ENOX1: variants seen among roughly 807,000 people sequenced by gnomAD.
The protein encoded by ENOX1 is ecto-NOX disulfide-thiol exchanger 1.
A neutral mutation model predicts 82.5 loss-of-function variants in ENOX1; 42 were observed. The observed-to-expected ratio is 0.51, with a 90% confidence interval of 0.40 to 0.66. The LOEUF is 0.66. Among genes scored for constraint, ENOX1 ranks in the 30% least tolerant of loss-of-function variants. The pLI is 0.00. For missense variants in ENOX1, 608 were observed against 811.6 expected (o/e 0.75, Z 3.05); for synonymous variants, 271 against 282.2 (o/e 0.96, Z 0.40).
At chr13:43,610,705 A>C (rs1015455169) in intron 2 of ENOX1, among the ~76,000 whole-genome samples, 2 of 151,172 alleles carry the variant, frequency 1.3e-5, no homozygotes, top group African/African-American at 4.9e-5. Context: ...AATAGATTTC[A>C]AAGTTCTTTT....
chr13:43,773,494 G>A (rs955211825), intron 1 of ENOX1, among the ~76,000 whole-genome samples: 2 of 152,108 alleles, frequency 1.3e-5, no homozygotes, highest in Admixed American at 6.6e-5. Context: ...CCTTGTTCCT[G>A]CCACTGTTCA....
intron 5 of ENOX1, among the ~76,000 whole-genome samples, chr13:43,405,795 C>T (rs978814897): frequency 6.6e-6 from 1 of 152,242 alleles, no homozygotes; most frequent in Non-Finnish European, 1.5e-5. Flanking sequence ...TTTCCACACC[C>T]CCATCAGTCC....
chr13:43,642,940 C>A (rs2083720123), intron 2 of ENOX1, among the ~76,000 whole-genome samples: 2 of 152,138 alleles, frequency 1.3e-5, no homozygotes, highest in Non-Finnish European at 2.9e-5. Context: ...CATGATCATA[C>A]AGTCCAATGT....
intron 1 of ENOX1, among the ~76,000 whole-genome samples, chr13:43,750,242 T>C (rs1303551067): frequency 6.6e-6 from 1 of 152,164 alleles, no homozygotes; most frequent in African/African-American, 2.4e-5. Context: ...TGGGTTTTAG[T>C]GACCAAAGAT....
intron 12 of ENOX1, among the ~76,000 whole-genome samples, chr13:43,279,544 T>C (rs2045255028): frequency 6.6e-6 from 1 of 152,244 alleles, no homozygotes; most frequent in Non-Finnish European, 1.5e-5. Flanking sequence ...GATGATTTTC[T>C]TAACACTGTA....
At chr13:43,254,397 C>T (rs1313224555) in intron 14 of ENOX1, among the ~76,000 whole-genome samples, 1 of 152,136 alleles carries the variant, frequency 6.6e-6, no homozygotes, top group African/African-American at 2.4e-5. Flanking sequence ...TCAGTCTCTT[C>T]TCTATGTGGT....
intron 5 of ENOX1, among the ~76,000 whole-genome samples, chr13:43,390,780 T>C (rs1048756834): frequency 6.6e-6 from 1 of 152,112 alleles, no homozygotes. Context: ...CTTCAAAGAG[T>C]TGTCTATAGA....
intron 11 of ENOX1, among the ~76,000 whole-genome samples, chr13:43,308,693 C>T (rs1297854235): frequency 6.6e-6 from 1 of 152,172 alleles, no homozygotes; most frequent in African/African-American, 2.4e-5. Context: ...TTAATAACAC[C>T]GATGCCTGGG....
chr13:43,460,590 C>T (rs1475338487), intron 3 of ENOX1, among the ~76,000 whole-genome samples: 2 of 151,876 alleles, frequency 1.3e-5, no homozygotes, highest in Admixed American at 6.6e-5. Context: ...GTCAGGAGAT[C>T]GACACCATCC....
At chr13:43,776,656 G>C (rs566226942) in intron 1 of ENOX1, among the ~76,000 whole-genome samples, 6 of 152,298 alleles carry the variant, frequency 3.9e-5, no homozygotes, top group African/African-American at 1.4e-4. Flanking sequence ...CTAGAGATTA[G>C]CATGAACAGG....
chr13:43,523,726 A>G (rs1389336728), intron 2 of ENOX1, among the ~76,000 whole-genome samples: 1 of 152,124 alleles, frequency 6.6e-6, no homozygotes, highest in Non-Finnish European at 1.5e-5. Flanking sequence ...GAGGCCCCCT[A>G]TGCTAGAAGA....
intron 2 of ENOX1, among the ~76,000 whole-genome samples, chr13:43,582,937 C>T (rs548214366): frequency 1.3e-5 from 2 of 152,096 alleles, no homozygotes; most frequent in Non-Finnish European, 2.9e-5. Flanking sequence ...AATTATCACA[C>T]AAATAAAGAA....
intron 7 of ENOX1, among the ~76,000 whole-genome samples, chr13:43,356,659 A>G (rs946159527): frequency 6.6e-6 from 1 of 152,188 alleles, no homozygotes; most frequent in African/African-American, 2.4e-5. Context: ...CACCTCACTC[A>G]CAGGTTATTG....
chr13:43,776,303 A>G (rs2153837699), intron 1 of ENOX1, among the ~76,000 whole-genome samples: 1 of 152,314 alleles, frequency 6.6e-6, no homozygotes, highest in East Asian at 1.9e-4. Context: ...CCAAGTTGAC[A>G]AACATGTATG....
At chr13:43,406,841 T>G (rs2053831563) in intron 5 of ENOX1, among the ~76,000 whole-genome samples, 1 of 152,142 alleles carries the variant, frequency 6.6e-6, no homozygotes, top group African/African-American at 2.4e-5. Flanking sequence ...ACAAATGGCA[T>G]GCTAAGAAGC....
chr13:43,761,738 G>GCCTTTTTGTTCT (rs1940941121), intron 1 of ENOX1, among the ~76,000 whole-genome samples: 1 of 152,126 alleles, frequency 6.6e-6, no homozygotes, highest in African/African-American at 2.4e-5. Context: ...CCATGTTCTT[G>GCCTTTTTGTTCT]CAGCTTTAAG....
chr13:43,299,666 C>G (rs1252849842), intron 11 of ENOX1, among the ~76,000 whole-genome samples: 2 of 152,104 alleles, frequency 1.3e-5, no homozygotes, highest in African/African-American at 4.8e-5. Context: ...GTCTCACATT[C>G]CCCCACCAAC....
intron 15 of ENOX1, among the ~76,000 whole-genome samples, chr13:43,232,310 C>T (rs572693227): frequency 6.6e-6 from 1 of 152,180 alleles, no homozygotes; most frequent in African/African-American, 2.4e-5. Flanking sequence ...TTATTCTTAT[C>T]GTAGGCTCTT....
chr13:43,629,852 C>T (rs2153750320), intron 2 of ENOX1, among the ~76,000 whole-genome samples: 1 of 152,218 alleles, frequency 6.6e-6, no homozygotes, highest in East Asian at 1.9e-4. Context: ...CAGGAGTGAG[C>T]TTCTAGTAGA....
Sources: gnomAD v4.1 joint callset for allele counts (sites outside exome capture counted in the v4.1 genomes callset) on GRCh38, gnomAD v4.1.1 for gene constraint, MANE v1.5 for transcripts, NCBI Gene and HGNC (gene_info 2026-07-23, HGNC 2026-07-21) for gene names.